Variants in NPC1 observed in about 807,000 individuals in gnomAD.
NPC1 encodes the protein Niemann-Pick C1 protein.
A neutral mutation model predicts 140.4 loss-of-function variants in NPC1; 85 were observed. The ratio of observed to expected loss-of-function variants is 0.61; its 90% confidence interval spans 0.51 to 0.72. The LOEUF is 0.72. Ranked by LOEUF, NPC1 falls within the 30% of genes least tolerant of loss-of-function variation. The pLI is 0.00. For missense variants in NPC1, 1,504 were observed against 1,623.8 expected (o/e 0.93, Z 1.27); for synonymous variants, 656 against 624.8 (o/e 1.05, Z -0.74).
At chr18:23,529,818 C>T (rs1232901499), downstream of NPC1, 12 of 1,216,398 alleles carry the variant, frequency 9.9e-6, no homozygotes, top group Middle Eastern at 2.0e-4. Context: ...GTCTGCCTCC[C>T]TGACTCAGAA....
intron 1 of NPC1, 102 bp from the exon 2 acceptor site, chr18:23,573,676 C>T: frequency 7.2e-7 from 1 of 1,394,578 alleles, no homozygotes; most frequent in Non-Finnish European, 1.0e-6. Context: ...TCCAATGCTA[C>T]CTGCAAAATT....
intron 10 of NPC1, among the ~76,000 whole-genome samples, chr18:23,549,829 C>A (rs2058842646): frequency 6.6e-6 from 1 of 151,008 alleles, no homozygotes; most frequent in Non-Finnish European, 1.5e-5. Context: ...GCAAACTCCA[C>A]CTCCAGGATT....
At chr18:23,584,799 C>T (rs1240929535) in intron 1 of NPC1, among the ~76,000 whole-genome samples, 1 of 152,166 alleles carries the variant, frequency 6.6e-6, no homozygotes, top group Non-Finnish European at 1.5e-5. Flanking sequence ...GCAGAGGTTG[C>T]AGTGAGCCGA....
rs375309094 is a variant in NPC1 at position 23,534,460 on chromosome 18, G to A, written c.3577C>T (p.His1193Tyr). ...RVERAEEALAHMGSSVFSGIT... is the reference protein window; with the variant it reads ...RVERAEEALAYMGSSVFSGIT... ...AGGGTACTCACGGAGCTGCCCATGT[G>A]GGCAAGTGCCTCTTCCGCGCGCTCC... The change falls in exon 23 of 25, where the codon CAC (histidine) becomes TAC (tyrosine). Residue 1193 changes from histidine (H) to tyrosine (Y), a missense_variant. By Grantham distance (83) the His-to-Tyr change is moderately conservative. Coordinates refer to ENST00000269228, the MANE Select transcript of NPC1 (RefSeq NM_000271.5). The A allele has an allele frequency of 5.0e-6, 8 of 1,612,870 alleles. No homozygotes were observed. Among genetic ancestry groups the A allele is most frequent in the African/African-American group, 1.3e-5 (1 of 74,944 alleles).
downstream of NPC1, among the ~76,000 whole-genome samples, chr18:23,527,550 G>A (rs942443722): frequency 1.3e-5 from 2 of 150,896 alleles, no homozygotes; most frequent in African/African-American, 2.4e-5. Flanking sequence ...CAAAGTGCTG[G>A]GATTATAGGC....
In NPC1 at chr18:23,560,299, G is replaced by T; in HGVS notation, c.813C>A (p.Ile271=). The T allele has an allele frequency of 6.2e-7, 1 of 1,614,216 alleles. No homozygotes were observed. Among genetic ancestry groups the T allele is most frequent in the South Asian group, 1.1e-5 (1 of 91,080 alleles). The change falls in exon 6 of 25, where the codon ATC becomes ATA. Residue 271 remains isoleucine, a synonymous_variant. Coordinates refer to ENST00000269228, the MANE Select transcript of NPC1 (RefSeq NM_000271.5). ...AAAACGCCATGTAGGTGATCCACAT[G>T]ATGACATACATGGCGTCCAAGCCAA... The part of the protein sequence containing the change: ...TILGLDAMYV[I]MWITYMAFLL...
intron 4 of NPC1, among the ~76,000 whole-genome samples, chr18:23,563,936 G>C (rs1320413124): frequency 6.8e-6 from 1 of 146,608 alleles, no homozygotes; most frequent in East Asian, 2.0e-4. Context: ...ACTCTATTCA[G>C]ATCTTTTGCC....
rs188459828 is a variant in NPC1, at chr18:23,515,609, A to G, written c.432-8967T>C. On this transcript the variant is annotated intron_variant, in intron 3 of 3. Coordinates refer to the NPC1 transcript ENST00000591107. ...GATGGTGCAATCTTGACTCACTGCA[A>G]CCTCTGCCTCCTGGGTTCATTCAAG... 8.5e-5 allele frequency among the ~76,000 whole-genome samples: 13 copies of G among 152,182 alleles called. No individual in the cohort carries two copies. The East Asian group carries it at 2.3e-3, about 27-fold the overall frequency.
intron 10 of NPC1, among the ~76,000 whole-genome samples, chr18:23,548,487 T>C (rs2058821125): frequency 6.6e-6 from 1 of 152,142 alleles, no homozygotes. Flanking sequence ...TCTGCGAATC[T>C]TTCCAGAGCC....
intron 18 of NPC1, 62 bp from the exon 19 acceptor site, chr18:23,539,532 CTT>C (rs2058682360): frequency 9.2e-6 from 11 of 1,199,804 alleles, no homozygotes; most frequent in Non-Finnish European, 1.2e-5. Context: ...AGTTTCAGTA[CTT>C]TTTCTTAAAA....
chr18:23,569,075 G>T, intron 3 of NPC1, 77 bp from the exon 4 acceptor site: 2 of 1,023,604 alleles, frequency 2.0e-6, no homozygotes, highest in Non-Finnish European at 3.0e-6. Flanking sequence ...AATAGACAAA[G>T]AATATTTTAA....
chr18:23,518,711 C>T (rs375864594), downstream of NPC1, among the ~76,000 whole-genome samples: 1 of 152,272 alleles, frequency 6.6e-6, no homozygotes, highest in African/African-American at 2.4e-5. Context: ...TGTGTGTTCT[C>T]TTTTCCACTT....
chr18:23,570,966 G>A (rs1325279282), intron 3 of NPC1, among the ~76,000 whole-genome samples: 8 of 152,162 alleles, frequency 5.3e-5, no homozygotes, highest in African/African-American at 1.7e-4. Context: ...AGCATGGGGG[G>A]AGAGGAAGGA....
chr18:23,551,878 C>A, intron 9 of NPC1, 151 bp from the exon 10 acceptor site: 1 of 712,130 alleles, frequency 1.4e-6, no homozygotes, highest in South Asian at 1.5e-5. Flanking sequence ...TACAGCTCAG[C>A]ACTCACCTTT....
intron 12 of NPC1, 117 bp from the exon 13 acceptor site, chr18:23,544,643 C>T (rs1236140923): frequency 1.1e-6 from 1 of 947,676 alleles, no homozygotes; most frequent in Non-Finnish European, 1.7e-6. Context: ...GTTGAATGTA[C>T]AATTCTGTGT....
chr18:23,575,620 T>C (rs2059264092), intron 1 of NPC1, among the ~76,000 whole-genome samples: 1 of 152,062 alleles, frequency 6.6e-6, no homozygotes, highest in African/African-American at 2.4e-5. Flanking sequence ...TAAGGAATTA[T>C]TATTAATGTC....
downstream of NPC1, among the ~76,000 whole-genome samples, chr18:23,519,509 T>G (rs1283555572): frequency 6.7e-6 from 1 of 150,110 alleles, no homozygotes; most frequent in Non-Finnish European, 1.5e-5. Flanking sequence ...TGGAGCAAGA[T>G]CCTGTCTCCG....
rs1567948691 is a variant in NPC1, at chr18:23,538,641, G to A, written c.2942C>T (p.Pro981Leu). The change falls in exon 20 of 25, where the codon CCT becomes CTT. Residue 981 changes from proline to leucine, a missense_variant. By Grantham distance (98) the Pro-to-Leu change is moderately conservative. Transcript: ENST00000269228. Reference sequence around the variant, plus strand: ...CCTCTGTTTGCCTTCCGGAGTCAGAGGCCTGCAGCGAACGCAGGCAGGGTC... The same window carrying A: ...CCTCTGTTTGCCTTCCGGAGTCAGAAGCCTGCAGCGAACGCAGGCAGGGTC... ...VVDPACVRCR[P>L]LTPEGKQRPQ... 4.3e-6 allele frequency: 7 copies of A among 1,613,988 alleles called. No homozygotes were observed. The highest frequency in any genetic ancestry group is 1.3e-5 in the African/African-American group (1 of 74,938).
rs567270488 is a variant in NPC1, at chr18:23,513,008, C to T, written c.432-6366G>A. ...TTGCTCTGTTGCCCAGGCTGGAGTG[C>T]AGTGGCGTGATCTCAGCTCACTGCA... On this transcript the variant is annotated intron_variant, in intron 3 of 3. Transcript: ENST00000591107. Among the ~76,000 whole-genome samples the T allele has an allele frequency of 4.3e-4, 65 of 152,186 alleles. 1 individual carries two copies. Among genetic ancestry groups the T allele is most frequent in the African/African-American group, 1.5e-3 (64 of 41,506 alleles).
Sources: gnomAD v4.1 joint callset for allele counts (sites outside exome capture counted in the v4.1 genomes callset) on GRCh38, gnomAD v4.1.1 for gene constraint, MANE v1.5 for transcripts, NCBI Gene and HGNC (gene_info 2026-07-23, HGNC 2026-07-21) for gene names.